The following DENND4C variants were observed in gnomAD, a reference collection of about 807,000 sequenced individuals.
DENND4C encodes DENN domain containing 4C, also known as DENN domain-containing protein 4C.
DENND4C carries 108 observed loss-of-function variants against 203.0 expected under a neutral mutation model. The ratio of observed to expected loss-of-function variants is 0.53; its 90% CI spans 0.46 to 0.62. DENND4C has a LOEUF of 0.62. DENND4C is among the 20% of genes least tolerant of loss of function. The pLI, the probability that DENND4C is intolerant of heterozygous loss-of-function variation, is 0.00. For synonymous variants in DENND4C, 871 were observed against 792.4 expected (o/e 1.10, Z -1.67); for missense variants, 2,481 against 2,301.2 (o/e 1.08, Z -1.60).
At chr9:19,273,118 A>G (rs1832108696) in intron 1 of DENND4C, among the ~76,000 whole-genome samples, 1 of 151,692 alleles carries the variant, frequency 6.6e-6, no homozygotes, top group Non-Finnish European at 1.5e-5. Context: ...TGCCAGGCTA[A>G]TTTTGTTGTA....
intron 24 of DENND4C, 66 bp from the exon 25 acceptor site, chr9:19,352,007 G>C: frequency 7.6e-7 from 1 of 1,310,414 alleles, no homozygotes; most frequent in Non-Finnish European, 1.1e-6. Flanking sequence ...TAAATACTTT[G>C]GCATGCATTT....
chr9:19,259,078 G>A (rs1828704176), intron 1 of DENND4C, among the ~76,000 whole-genome samples: 1 of 152,036 alleles, frequency 6.6e-6, no homozygotes. Flanking sequence ...CACTTCAAGT[G>A]TTTATCATTT....
chr9:19,292,618 T>C (rs1836598866), intron 5 of DENND4C: 1 of 151,234 alleles, frequency 6.6e-6, no homozygotes, highest in Non-Finnish European at 1.5e-5. Flanking sequence ...CAATCTGGGC[T>C]CACTGCAACC....
intron 18 of DENND4C, 123 bp from the exon 19 acceptor site, chr9:19,336,147 G>A: frequency 1.2e-6 from 1 of 831,478 alleles, no homozygotes; most frequent in Non-Finnish European, 1.7e-6. Flanking sequence ...ATACCTCTTG[G>A]CCAGTATAAC....
intron 15 of DENND4C, among the ~76,000 whole-genome samples, chr9:19,327,260 A>C (rs780966891): frequency 4.6e-5 from 7 of 152,114 alleles, no homozygotes; most frequent in African/African-American, 1.4e-4. Context: ...TAAGTAGACA[A>C]TTTCCAAGAA....
chr9:19,240,778 C>G (rs934760580), intron 1 of DENND4C, among the ~76,000 whole-genome samples: 8 of 151,922 alleles, frequency 5.3e-5, no homozygotes, highest in African/African-American at 1.5e-4. Context: ...GCCTGCCTGG[C>G]CAACATGGTG....
At chr9:19,238,075 CTTTCTTTCTTTT>C (rs1424417860) in intron 1 of DENND4C, among the ~76,000 whole-genome samples, 1 of 149,308 alleles carries the variant, frequency 6.7e-6, no homozygotes, top group Non-Finnish European at 1.5e-5. Flanking sequence ...TCCTCTGTTT[CTTTCTTTCTTTT>C]TTTTTTTTTT....
At chr9:19,309,141 G>C (rs868496457) in intron 10 of DENND4C, among the ~76,000 whole-genome samples, 11 of 152,254 alleles carry the variant, frequency 7.2e-5, no homozygotes, top group Middle Eastern at 3.4e-3. Flanking sequence ...ATTGCTTGTA[G>C]GCCGGGAGTG....
intron 27 of DENND4C, 39 bp downstream of exon 27, chr9:19,357,193 A>G (rs1298557889): frequency 3.1e-6 from 5 of 1,604,696 alleles, no homozygotes; most frequent in Non-Finnish European, 4.3e-6. Flanking sequence ...GTAGTAATAA[A>G]TGGGGTACCC....
intron 23 of DENND4C, among the ~76,000 whole-genome samples, chr9:19,349,754 CA>C (rs1823664825): frequency 1.3e-5 from 2 of 151,966 alleles, no homozygotes. Flanking sequence ...TTAGTAAATA[CA>C]TAATAGTATA....
chr9:19,292,152 G>C (rs1394449904), intron 5 of DENND4C: 1 of 151,838 alleles, frequency 6.6e-6, no homozygotes, highest in Non-Finnish European at 1.5e-5. Context: ...AGCCTCTTAA[G>C]CAGTGGGATT....
At chr9:19,354,587 T>C (rs1264255511) in intron 26 of DENND4C, among the ~76,000 whole-genome samples, 3 of 133,374 alleles carry the variant, frequency 2.2e-5, no homozygotes, top group African/African-American at 8.5e-5. Flanking sequence ...AGAGTTTCAC[T>C]CTTGTCGCCC....
At chr9:19,350,469 C>CA (rs1823841594) in intron 23 of DENND4C, among the ~76,000 whole-genome samples, 1 of 152,076 alleles carries the variant, frequency 6.6e-6, no homozygotes, top group Non-Finnish European at 1.5e-5. Flanking sequence ...CCAGACCTCC[C>CA]ACATACACCT....
In DENND4C at chr9:19,347,100, A is replaced by G; in HGVS notation, c.4317+14A>G. On this transcript the variant is annotated intron_variant, in intron 23 of 32. Transcript: ENST00000434457. ...TCAGATGATGAGGTAAGAAAGCTTT[A>G]TGTGTGTAGTCTGTCTGCTATTGGA... The G allele has an allele frequency of 1.9e-6, 3 of 1,604,226 alleles. No individual in the cohort carries two copies. Among genetic ancestry groups the G allele is most frequent in the Non-Finnish European group, 2.6e-6 (3 of 1,172,590 alleles).
chr9:19,245,670 C>T (rs962985047), intron 1 of DENND4C, among the ~76,000 whole-genome samples: 7 of 152,014 alleles, frequency 4.6e-5, no homozygotes, highest in Admixed American at 3.3e-4. Flanking sequence ...GCCTGGCCAA[C>T]GTGGTGAAAC....
intron 30 of DENND4C, among the ~76,000 whole-genome samples, chr9:19,365,087 A>G (rs1289004278): frequency 6.6e-6 from 1 of 152,176 alleles, no homozygotes; most frequent in East Asian, 1.9e-4. Context: ...CCTGATACAA[A>G]GACCAATGAC....
intron 2 of DENND4C, among the ~76,000 whole-genome samples, chr9:19,282,557 A>G (rs1311634858): frequency 8.2e-6 from 1 of 122,420 alleles, no homozygotes; most frequent in African/African-American, 2.9e-5. Flanking sequence ...CCTGGCAAAA[A>G]TTAAAAAAAA....
intron 17 of DENND4C, among the ~76,000 whole-genome samples, chr9:19,332,744 C>T (rs1437434403): frequency 6.8e-6 from 1 of 147,058 alleles, no homozygotes; most frequent in Non-Finnish European, 1.5e-5. Flanking sequence ...TGGCACCTGG[C>T]ATATGGTTTT....
intron 1 of DENND4C, among the ~76,000 whole-genome samples, chr9:19,271,918 A>G (rs1441220455): frequency 2.0e-5 from 3 of 151,960 alleles, no homozygotes; most frequent in African/African-American, 4.8e-5. Context: ...AACAGCTTTC[A>G]AAGCTAAGGC....
Sources: allele counts gnomAD v4.1 joint callset (sites outside exome capture counted in the v4.1 genomes callset), GRCh38; gene constraint gnomAD v4.1.1; transcripts MANE v1.5; gene names NCBI Gene and HGNC (gene_info 2026-07-23, HGNC 2026-07-21).